GLIS3: variants seen among roughly 807,000 people sequenced by gnomAD.
GLIS3 encodes the protein GLIS family zinc finger 3.
Under a neutral mutation model 78.6 loss-of-function variants are expected in GLIS3, and 53 were observed. The ratio of observed to expected loss-of-function variants is 0.67; its 90% CI spans 0.54 to 0.85. GLIS3 has a LOEUF of 0.85. Among genes scored for constraint, GLIS3 ranks in the 40% least tolerant of loss-of-function variants. The pLI is 0.00. For missense variants in GLIS3, 1,703 were observed against 1,231.1 expected, an observed-to-expected ratio of 1.38 and a Z score of -5.74; for synonymous variants, 684 against 509.9, an observed-to-expected ratio of 1.34 and a Z score of -4.60.
At chr9:4,196,654 C>T (rs1490683614) in intron 2 of GLIS3, among the ~76,000 whole-genome samples, 1 of 152,164 alleles carries the variant, frequency 6.6e-6, no homozygotes, top group Non-Finnish European at 1.5e-5. Flanking sequence ...CACAAACCAA[C>T]CAAAAGGAAG....
intron 4 of GLIS3, among the ~76,000 whole-genome samples, chr9:3,965,627 G>A (rs1418256127): frequency 6.6e-6 from 1 of 152,162 alleles, no homozygotes; most frequent in Admixed American, 6.5e-5. Flanking sequence ...ACCTCCTGAC[G>A]AAACATGTGC....
At chr9:4,150,336 A>C (rs1178773033) in intron 2 of GLIS3, among the ~76,000 whole-genome samples, 1 of 152,208 alleles carries the variant, frequency 6.6e-6, no homozygotes, top group Non-Finnish European at 1.5e-5. Flanking sequence ...CTAACCAATA[A>C]AAATATTCAC....
the GLIS3 span, among the ~76,000 whole-genome samples, chr9:4,385,675 AAAAAAAAG>A: frequency 3.4e-5 from 5 of 146,420 alleles, 1 homozygote; most frequent in Admixed American, 6.8e-5. Context: ...CAAAAAAAAA[AAAAAAAAG>A]AAAAAAGAAA....
chr9:3,980,655 G>C (rs770163645), intron 4 of GLIS3, among the ~76,000 whole-genome samples: 1 of 152,088 alleles, frequency 6.6e-6, no homozygotes, highest in African/African-American at 2.4e-5. Context: ...TTTAATCAGA[G>C]GGCATTTTAT....
the GLIS3 span, among the ~76,000 whole-genome samples, chr9:4,445,090 C>T: frequency 1.3e-5 from 2 of 152,070 alleles, no homozygotes; most frequent in Non-Finnish European, 2.9e-5. Context: ...ATTAGAAAGA[C>T]GGAAATTCAA....
chr9:4,125,755 T>C lies in GLIS3; in HGVS notation c.575A>G (p.Asn192Ser). The C allele has an allele frequency of 1.2e-6, 2 of 1,613,842 alleles. No homozygotes were observed. Among genetic ancestry groups the C allele is most frequent in the Non-Finnish European group, 1.7e-6 (2 of 1,179,930 alleles). Reference sequence around the variant, plus strand: ...AGACCTGGTATCTGAAGGAGGTATATTCAGGTTGGCTGCATTCATTGCCCT... The same window carrying C: ...AGACCTGGTATCTGAAGGAGGTATACTCAGGTTGGCTGCATTCATTGCCCT... ...LQRAMNAANL[N>S]IPPSDTRSLI... Residue 192 changes from asparagine to serine, a missense_variant, in exon 3 of 11, where the codon AAT (asparagine) becomes AGT (serine). Coordinates refer to ENST00000381971, the MANE Select transcript of GLIS3 (RefSeq NM_001042413.2).
At chr9:4,027,650 G>C (rs1034203917) in intron 4 of GLIS3, among the ~76,000 whole-genome samples, 25 of 152,270 alleles carry the variant, frequency 1.6e-4, no homozygotes, top group African/African-American at 5.8e-4. Context: ...TACTGTGCTT[G>C]TTCTCTGTTC....
At chr9:4,126,053 A>C in intron 2 of GLIS3, 112 bp from the exon 3 acceptor site, 2 of 654,534 alleles carry the variant, frequency 3.1e-6, no homozygotes, top group South Asian at 2.0e-5. Context: ...TCCTCAGATC[A>C]TTTTTTTTTT....
chr9:4,378,415 T>C, the GLIS3 span, among the ~76,000 whole-genome samples: 3 of 152,114 alleles, frequency 2.0e-5, no homozygotes, highest in Non-Finnish European at 4.4e-5. Flanking sequence ...AACATGTTTT[T>C]GTTTGTTTAT....
At chr9:4,391,842 C>T in the GLIS3 span, among the ~76,000 whole-genome samples, 6 of 152,040 alleles carry the variant, frequency 3.9e-5, no homozygotes, top group South Asian at 2.1e-4. Context: ...GACAATGTGG[C>T]GATTCCTCAA....
At chr9:3,838,266 C>A (rs984899075) in intron 9 of GLIS3, among the ~76,000 whole-genome samples, 2 of 152,180 alleles carry the variant, frequency 1.3e-5, no homozygotes, top group African/African-American at 2.4e-5. Context: ...ATCTTAGTTA[C>A]TTTAATAAGA....
chr9:4,375,771 G>C, the GLIS3 span, among the ~76,000 whole-genome samples: 1 of 152,082 alleles, frequency 6.6e-6, no homozygotes, highest in South Asian at 2.1e-4. Context: ...GTGCGAGTGG[G>C]AAAGTTTTAG....
chr9:3,835,781 T>G (rs1300525068), intron 9 of GLIS3, among the ~76,000 whole-genome samples: 1 of 152,254 alleles, frequency 6.6e-6, no homozygotes, highest in Non-Finnish European at 1.5e-5. Context: ...TTTTCTATTC[T>G]TCTAATAACA....
intron 4 of GLIS3, among the ~76,000 whole-genome samples, chr9:3,959,995 T>C (rs553293558): frequency 6.6e-6 from 1 of 152,094 alleles, no homozygotes; most frequent in East Asian, 1.9e-4. Flanking sequence ...CTACTGAAAA[T>C]ACAAAAATTA....
chr9:4,227,646 A>C (rs1182183821), intron 2 of GLIS3, among the ~76,000 whole-genome samples: 1 of 152,224 alleles, frequency 6.6e-6, no homozygotes, highest in African/African-American at 2.4e-5. Flanking sequence ...TCTTGGGATA[A>C]AGATATACAG....
chr9:4,412,834 G>C, the GLIS3 span, among the ~76,000 whole-genome samples: 1 of 152,114 alleles, frequency 6.6e-6, no homozygotes, highest in Non-Finnish European at 1.5e-5. Flanking sequence ...CTTACCAAAT[G>C]AACCATCCCT....
intron 2 of GLIS3, among the ~76,000 whole-genome samples, chr9:4,246,095 G>T (rs1175940535): frequency 1.3e-5 from 2 of 152,058 alleles, no homozygotes; most frequent in African/African-American, 4.8e-5. Context: ...ACCTATTTCA[G>T]GCCAGGCACG....
chr9:4,326,007 G>A (rs1193457268), intron 2 of GLIS3, among the ~76,000 whole-genome samples: 2 of 152,126 alleles, frequency 1.3e-5, no homozygotes, highest in South Asian at 2.1e-4. Flanking sequence ...ATGATGATGA[G>A]AACACAAGTA....
At chr9:4,170,777 C>CATAGGATTTTA (rs1816308609) in intron 2 of GLIS3, among the ~76,000 whole-genome samples, 1 of 152,074 alleles carries the variant, frequency 6.6e-6, no homozygotes, top group South Asian at 2.1e-4. Context: ...TTAAAAACTA[C>CATAGGATTTTA]CTAAATCCAC....
Sources: gnomAD v4.1 joint callset for allele counts (sites outside exome capture counted in the v4.1 genomes callset) on GRCh38, gnomAD v4.1.1 for gene constraint, MANE v1.5 for transcripts, NCBI Gene and HGNC (gene_info 2026-07-23, HGNC 2026-07-21) for gene names.